Variants in ZFR observed in about 807,000 individuals in gnomAD.
The protein encoded by ZFR is zinc finger RNA binding protein, also known as zinc finger RNA-binding protein.
A neutral mutation model predicts 130.7 loss-of-function variants in ZFR; 19 were observed. The observed-to-expected ratio is 0.15, with a 90% CI of 0.10 to 0.21. The LOEUF is 0.21. Among genes scored for constraint, ZFR ranks in the 10% least tolerant of loss-of-function variants. ZFR has a pLI of 1.00. For synonymous variants in ZFR, 466 were observed against 456.9 expected (o/e 1.02, Z -0.25); for missense variants, 872 against 1,321.5 (o/e 0.66, Z 5.27).
chr5:32,399,622 A>C (rs899618906), intron 9 of ZFR, among the ~76,000 whole-genome samples: 7 of 152,168 alleles, frequency 4.6e-5, no homozygotes, highest in African/African-American at 1.7e-4. Context: ...AGCAAACTTA[A>C]TTTTATCACA....
At chr5:32,392,347 C>T (rs1753200733) in intron 11 of ZFR, among the ~76,000 whole-genome samples, 1 of 151,960 alleles carries the variant, frequency 6.6e-6, no homozygotes. Flanking sequence ...AGAGAATTCC[C>T]AATATGTTAC....
At chr5:32,403,062 A>G in intron 8 of ZFR, 44 bp downstream of exon 8, 1 of 1,576,314 alleles carries the variant, frequency 6.3e-7, no homozygotes, top group Non-Finnish European at 8.6e-7. Flanking sequence ...AGAAGAAACA[A>G]CACTTTGACA....
At chr5:32,373,337 G>A (rs528921511) in intron 17 of ZFR, among the ~76,000 whole-genome samples, 53 of 152,240 alleles carry the variant, frequency 3.5e-4, no homozygotes, top group African/African-American at 1.3e-3. Context: ...AGGTTGCAGT[G>A]ACCCCAGGTT....
chr5:32,405,844 T>C (rs895060091), intron 6 of ZFR, among the ~76,000 whole-genome samples: 2 of 152,182 alleles, frequency 1.3e-5, no homozygotes, highest in Admixed American at 6.5e-5. Context: ...TAGCCACATA[T>C]ATTAAAATGT....
chr5:32,355,983 C>G (rs752787417), intron 19 of ZFR, 44 bp from the exon 20 acceptor site: 1 of 1,520,852 alleles, frequency 6.6e-7, no homozygotes, highest in Non-Finnish European at 8.8e-7. Context: ...TGAAAAACCC[C>G]AAGTAGTAAT....
chr5:32,407,071 CAAGTT>C (rs1186510671), intron 5 of ZFR, 50 bp from the exon 6 acceptor site: 2 of 1,365,012 alleles, frequency 1.5e-6, no homozygotes, highest in Non-Finnish European at 9.6e-7. Context: ...TATAGAAGGA[CAAGTT>C]AAAATTTACA....
At chr5:32,386,737 T>C (rs577257064) in intron 14 of ZFR, among the ~76,000 whole-genome samples, 1 of 152,274 alleles carries the variant, frequency 6.6e-6, no homozygotes, top group African/African-American at 2.4e-5. Flanking sequence ...CAGTTTTAAG[T>C]TTAATAGTGT....
intron 17 of ZFR, among the ~76,000 whole-genome samples, chr5:32,372,130 C>T (rs144088152): frequency 5.3e-5 from 8 of 152,196 alleles, no homozygotes; most frequent in Non-Finnish European, 1.0e-4. Context: ...CATTTGCTAA[C>T]AAGGCTGCAG....
At chr5:32,403,788 A>C in intron 7 of ZFR, 118 bp downstream of exon 7, 1 of 855,622 alleles carries the variant, frequency 1.2e-6, no homozygotes, top group East Asian at 2.6e-5. Flanking sequence ...CACATAAGCA[A>C]GGCTTATAAT....
chr5:32,435,559 G>A (rs1754314779), intron 2 of ZFR, among the ~76,000 whole-genome samples: 2 of 152,076 alleles, frequency 1.3e-5, no homozygotes, highest in Admixed American at 6.6e-5. Flanking sequence ...GCAGGATTGG[G>A]GAAGTAAGAG....
chr5:32,386,314 A>G (rs1413940975), intron 14 of ZFR, among the ~76,000 whole-genome samples: 2 of 152,134 alleles, frequency 1.3e-5, no homozygotes, highest in African/African-American at 4.8e-5. Flanking sequence ...GGTGGCTGGA[A>G]GATTAAATGA....
chr5:32,400,188 T>C lies in ZFR; in HGVS notation c.1532A>G (p.Gln511Arg). Residue 511 changes from glutamine to arginine, a missense_variant, in exon 9 of 20, where the codon CAG becomes CGG. Physicochemically the swap from Gln to Arg is conservative, Grantham distance 43. Coordinates refer to ENST00000265069, the MANE Select transcript of ZFR (RefSeq NM_016107.5). ...KINFVGGNKL[Q>R]STGNKAEDIK... ...GTCTTCTGCTTTATTTCCTGTTGAC[T>C]GCAGCTTATTACCACCTAGAAAAGT... 6.2e-7 allele frequency: 1 copy of C among 1,605,496 alleles called. No homozygotes were observed.
At chr5:32,370,508 G>T (rs138523221) in intron 17 of ZFR, among the ~76,000 whole-genome samples, 59 of 152,012 alleles carry the variant, frequency 3.9e-4, no homozygotes, top group African/African-American at 1.4e-3. Flanking sequence ...GAGTAGCTGG[G>T]ACTACAGGTG....
chr5:32,403,979 C>A lies in ZFR; in HGVS notation c.1151G>T (p.Cys384Phe). 1 of 1,614,114 alleles carries A rather than the reference C, an allele frequency of 6.2e-7. No individual in the cohort carries two copies. The highest frequency in any genetic ancestry group is 8.5e-7 in the Non-Finnish European group (1 of 1,179,988). The stretch of plus-strand genomic sequence containing the variant: ...TGTACAAGACACATCGCAGAGCTCA[C>A]AACGTAGCTGATTTTGAGTCCCACG... ...STRGTQNQLR[C>F]ELCDVSCTGA... Residue 384 changes from cysteine to phenylalanine, a missense_variant, in exon 7 of 20, where the codon TGT (cysteine) becomes TTT (phenylalanine). Cys to Phe is a radical substitution (Grantham distance 205). Around this residue, in one of 7 missense-constraint regions of ZFR, gnomAD observed 21 missense variants for 54.4 expected, o/e 0.39. Transcript: ENST00000265069.
In ZFR at chr5:32,444,738, C is replaced by A; in HGVS notation, c.-80G>T. The A allele has an allele frequency of 1.4e-6, 2 of 1,478,062 alleles. No homozygotes were observed. Among genetic ancestry groups the A allele is most frequent in the Non-Finnish European group, 1.8e-6 (2 of 1,113,578 alleles). The allele number at this position is 1,478,062 out of a possible 1,614,324, so 91.6% of individuals were successfully genotyped here. ...TGCCCCGCTCCTCCTCAGCGGAGAA[C>A]AGACCGCCGCCTCCGACCGCACTGC... On this transcript the variant is annotated 5_prime_UTR_variant, in exon 1 of 20. Coordinates refer to ENST00000265069, the MANE Select transcript of ZFR (RefSeq NM_016107.5).
At chr5:32,442,252 T>C (rs959658095) in intron 2 of ZFR, among the ~76,000 whole-genome samples, 10 of 152,232 alleles carry the variant, frequency 6.6e-5, no homozygotes, top group African/African-American at 2.4e-4. Flanking sequence ...CAATCTTTTC[T>C]AGACGGAATA....
chr5:32,404,826 CTCTT>C (rs1753542364), intron 6 of ZFR, among the ~76,000 whole-genome samples: 1 of 152,110 alleles, frequency 6.6e-6, no homozygotes, highest in South Asian at 2.1e-4. Context: ...TCCTCTGTTA[CTCTT>C]TTTTTGAGAT....
intron 2 of ZFR, among the ~76,000 whole-genome samples, chr5:32,428,313 C>T (rs1754122069): frequency 6.6e-6 from 1 of 152,166 alleles, no homozygotes; most frequent in Non-Finnish European, 1.5e-5. Flanking sequence ...ACTCAGGGGG[C>T]TGAGGCAGGA....
At chr5:32,420,301 CT>C (rs892616842) in intron 2 of ZFR, among the ~76,000 whole-genome samples, 198 bp from the exon 3 acceptor site, 13 of 149,892 alleles carry the variant, frequency 8.7e-5, no homozygotes, top group South Asian at 2.1e-4. Flanking sequence ...AATTTTCATT[CT>C]TTTTTTTTTA....
Sources: allele counts gnomAD v4.1 joint callset (sites outside exome capture counted in the v4.1 genomes callset), GRCh38; gene constraint gnomAD v4.1.1; regional missense constraint gnomAD v4.1.1; transcripts MANE v1.5; gene names NCBI Gene and HGNC (gene_info 2026-07-23, HGNC 2026-07-21).